C7: variants seen among roughly 807,000 people sequenced by gnomAD.
C7 encodes the protein complement C7, also known as complement component C7.
A neutral mutation model predicts 104.8 loss-of-function variants in C7; 83 were observed. That is an observed-to-expected ratio of 0.79 (90% CI 0.66 to 0.95). The LOEUF is 0.95. C7 is among the 40% of genes least tolerant of loss of function. C7 has a pLI of 0.00. For synonymous variants in C7, 415 were observed against 360.6 expected, an observed-to-expected ratio of 1.15 and a Z score of -1.71; for missense variants, 1,070 against 1,011.2, an observed-to-expected ratio of 1.06 and a Z score of -0.79.
intron 15 of C7, among the ~76,000 whole-genome samples, chr5:40,974,948 C>T (rs1415572717): frequency 6.6e-6 from 1 of 152,132 alleles, no homozygotes; most frequent in Middle Eastern, 3.2e-3. Context: ...AGCAGCATCC[C>T]TGGTCTCTAC....
At chr5:40,973,698 T>C (rs980886652) in intron 15 of C7, among the ~76,000 whole-genome samples, 1 of 152,238 alleles carries the variant, frequency 6.6e-6, no homozygotes, top group Non-Finnish European at 1.5e-5. Flanking sequence ...ATGAGTTTAC[T>C]TGGAATATTT....
At chr5:40,955,674 C>G in intron 10 of C7, 121 bp downstream of exon 10, 1 of 773,778 alleles carries the variant, frequency 1.3e-6, no homozygotes, top group Non-Finnish European at 2.0e-6. Context: ...TTCCGTATCC[C>G]AATTATATTT....
At chr5:40,948,266 C>A (rs1455668222) in intron 8 of C7, among the ~76,000 whole-genome samples, 1 of 151,954 alleles carries the variant, frequency 6.6e-6, no homozygotes, top group African/African-American at 2.4e-5. Flanking sequence ...AAAATCCTCT[C>A]TGAATATCAT....
In C7 at chr5:40,955,436, T is replaced by G. The variant is rs1740268297; in HGVS notation, c.1143T>G (p.Gly381=). The G allele has an allele frequency of 6.2e-7, 1 of 1,612,658 alleles. No homozygotes were observed. The highest frequency in any genetic ancestry group is 8.5e-7 in the Non-Finnish European group (1 of 1,179,364). The change falls in exon 10 of 18, where the codon GGT becomes GGG. Residue 381 remains glycine (G), a synonymous_variant. Coordinates refer to ENST00000313164, the MANE Select transcript of C7 (RefSeq NM_000587.4). ...GAGAACCGTTCATCAGAGGGGGAGG[T>G]GCAGGCTTCATATCTGGCCTTAGTT... ...LRGEPFIRGG[G]AGFISGLSYL...
intron 1 of C7, among the ~76,000 whole-genome samples, chr5:40,922,080 A>C (rs901270895): frequency 4.1e-5 from 6 of 146,310 alleles, no homozygotes; most frequent in African/African-American, 1.5e-4. Context: ...AAACAACAAC[A>C]AAAAATACAT....
intron 2 of C7, among the ~76,000 whole-genome samples, chr5:40,930,668 T>TTTTTTAAAAG (rs1739662031): frequency 6.6e-6 from 1 of 152,058 alleles, no homozygotes; most frequent in Non-Finnish European, 1.5e-5. Flanking sequence ...GTTCCAGTGA[T>TTTTTTAAAAG]TCTCCTGCCT....
At chr5:40,949,702 T>A (rs3792644) in intron 8 of C7, among the ~76,000 whole-genome samples, 1 of 152,122 alleles carries the variant, frequency 6.6e-6, no homozygotes, top group Admixed American at 6.6e-5. Flanking sequence ...GCCTCCCCTC[T>A]GAAGCTGATA....
chr5:40,955,498 G>A lies in C7; in HGVS notation c.1205G>A (p.Arg402Gln), dbSNP rs753530114. Residue 402 changes from arginine to glutamine, a missense_variant, in exon 10 of 18, where the codon CGA becomes CAA. By Grantham distance (43) the Arg-to-Gln change is conservative (BLOSUM62 1). Coordinates refer to ENST00000313164, the MANE Select transcript of C7 (RefSeq NM_000587.4). The stretch of plus-strand genomic sequence containing the variant: ...GACAATCCTGCTGGAAACAAAAGGC[G>A]ATATTCTGCCTGGGCAGAATCTGTG... ...ELDNPAGNKR[R>Q]YSAWAESVTN... 35 of 1,613,360 alleles carry A rather than the reference G, an allele frequency of 2.2e-5. No homozygotes were observed. In the Admixed American group the frequency reaches 2.3e-4, roughly 11 times the overall value.
In C7 at chr5:40,982,879, A is replaced by G. The variant is rs568766359; in HGVS notation, c.*1306A>G. On this transcript the variant is annotated 3_prime_UTR_variant, in exon 18 of 18. Transcript: ENST00000313164. Reference sequence around the variant, plus strand: ...CTGTATTGTTCTGACCCTGGTAAATATATTTCAAAACTTCAGATGACAAGG... The same window carrying G: ...CTGTATTGTTCTGACCCTGGTAAATGTATTTCAAAACTTCAGATGACAAGG... 1.3e-5 allele frequency: 2 copies of G among 152,482 alleles called. No individual in the cohort carries two copies. The highest frequency in any genetic ancestry group is 6.5e-5 in the Admixed American group (1 of 15,302). 9.4% of individuals were successfully genotyped at this position (152,482 alleles called of 1,614,324 possible).
chr5:40,935,729 C>G (rs2111594673), intron 4 of C7, among the ~76,000 whole-genome samples: 1 of 152,242 alleles, frequency 6.6e-6, no homozygotes, highest in Middle Eastern at 3.4e-3. Flanking sequence ...GGAACTAGAT[C>G]ATCTGGTACT....
At chr5:40,936,221 A>G (rs1249998138) in intron 4 of C7, 117 bp from the exon 5 acceptor site, 1 of 772,128 alleles carries the variant, frequency 1.3e-6, no homozygotes, top group South Asian at 1.9e-5. Flanking sequence ...TTTATCTCCC[A>G]TTTACATTGG....
At chr5:40,940,023 G>A (rs1469795122) in intron 6 of C7, among the ~76,000 whole-genome samples, 3 of 152,172 alleles carry the variant, frequency 2.0e-5, no homozygotes, top group Non-Finnish European at 4.4e-5. Flanking sequence ...GAAGCCACAG[G>A]CAGTGAGTCA....
chr5:40,975,947 G>C (rs1194322478), intron 15 of C7, among the ~76,000 whole-genome samples: 1 of 152,150 alleles, frequency 6.6e-6, no homozygotes, highest in African/African-American at 2.4e-5. Flanking sequence ...CTATTACGAG[G>C]TGAAAAAAGT....
Position 40,972,388 on chromosome 5 carries a change from C to T in C7, c.1883-15C>T. The T allele has an allele frequency of 1.2e-6, 2 of 1,612,388 alleles. No individual in the cohort carries two copies. Among genetic ancestry groups the T allele is most frequent in the Non-Finnish European group, 1.7e-6 (2 of 1,178,750 alleles). On this transcript the variant is annotated splice_polypyrimidine_tract_variant and intron_variant, in intron 14 of 17. Transcript: ENST00000313164. ...AGAGCAACGACCCTTATATTTTGCT[C>T]TCTTTTATCTTTAGAAATTGCCTGT...
chr5:40,928,537 G>C (rs1215355572), intron 1 of C7, 43 bp from the exon 2 acceptor site: 1 of 1,130,312 alleles, frequency 8.8e-7, no homozygotes, highest in Non-Finnish European at 1.3e-6. Flanking sequence ...GTTATAAAAA[G>C]AAATGCAAGC....
chr5:40,945,467 T>C, intron 7 of C7, 99 bp downstream of exon 7: 1 of 741,958 alleles, frequency 1.3e-6, no homozygotes, highest in Non-Finnish European at 2.1e-6. Context: ...GCTTTCATAT[T>C]AAAATTAGTA....
intron 10 of C7, among the ~76,000 whole-genome samples, chr5:40,957,700 C>G (rs1040719419): frequency 6.6e-6 from 1 of 151,972 alleles, no homozygotes; most frequent in African/African-American, 2.4e-5. Flanking sequence ...GGTGATCCCC[C>G]CTGCCGCAGC....
intron 6 of C7, 119 bp from the exon 7 acceptor site, chr5:40,945,079 A>T (rs1334303395): frequency 1.2e-5 from 7 of 601,868 alleles, no homozygotes; most frequent in Non-Finnish European, 2.0e-5. Context: ...AATGAGAGTC[A>T]CAGTTGCTTT....
rs755424195 is a variant in C7 at position 40,959,591 on chromosome 5, A to G, written c.1632A>G (p.Gln544=). The G allele has an allele frequency of 4.4e-6, 7 of 1,605,050 alleles. No individual in the cohort carries two copies. In the African/African-American group the frequency reaches 6.7e-5, roughly 15 times the overall value. The change falls in exon 12 of 18, where the codon CAA becomes CAG. Residue 544 remains glutamine (Q), a synonymous_variant. Coordinates refer to ENST00000313164, the MANE Select transcript of C7 (RefSeq NM_000587.4). ...SCVGETTEST[Q]CEDEELEHLR... is the part of the protein sequence containing the mutation. ...TTGGAGAAACGACAGAAAGCACACA[A>G]TGCGAAGATGAGGAGCTGGAGCACT...
Sources: allele counts gnomAD v4.1 joint callset (sites outside exome capture counted in the v4.1 genomes callset), GRCh38; gene constraint gnomAD v4.1.1; transcripts MANE v1.5; gene names NCBI Gene and HGNC (gene_info 2026-07-23, HGNC 2026-07-21).